Variants in TLR2 observed in about 807,000 individuals in gnomAD.
TLR2 encodes the protein toll-like receptor 2.
TLR2 carries 7 observed loss-of-function variants against 9.1 expected under a neutral mutation model. The observed-to-expected ratio is 0.77, with a 90% CI of 0.44 to 1.44. The LOEUF (loss-of-function observed/expected upper bound fraction) is 1.44. TLR2 is among the 40% of genes most tolerant of loss of function. The probability of loss-of-function intolerance (pLI) is 0.01; values close to 1 mark genes in which losing one functional copy is unlikely to be tolerated. For missense variants in TLR2, 812 were observed against 904.6 expected (o/e 0.90, Z 1.31); for synonymous variants, 317 against 344.6 (o/e 0.92, Z 0.89).
downstream of TLR2, chr4:153,710,187 T>C (rs933073947): frequency 8.0e-6 from 4 of 498,698 alleles, no homozygotes; most frequent in African/African-American, 5.8e-5. Context: ...AAACATGCTT[T>C]ATTTGTTTAT....
intron 2 of TLR2, among the ~76,000 whole-genome samples, chr4:153,689,953 C>A (rs1229990788): frequency 6.6e-6 from 1 of 152,216 alleles, no homozygotes; most frequent in Non-Finnish European, 1.5e-5. Flanking sequence ...ATGGCTGCAA[C>A]CAGAGGGTCC....
At chr4:153,702,710 T>C in intron 2 of TLR2, 182 bp from the exon 3 acceptor site, 3 of 604,054 alleles carry the variant, frequency 5.0e-6, no homozygotes, top group Non-Finnish European at 8.4e-6. Context: ...GGAATTCATT[T>C]TTTTATCCCC....
chr4:153,697,168 G>A (rs547564103), intron 2 of TLR2, among the ~76,000 whole-genome samples: 1 of 152,120 alleles, frequency 6.6e-6, no homozygotes, highest in Non-Finnish European at 1.5e-5. Flanking sequence ...ACTAAGATTT[G>A]AAGAAAATTC....
At position 153,704,913 on chromosome 4, in the gene TLR2, C is replaced by G. The variant is rs145936474; in HGVS notation, c.2006C>G (p.Pro669Arg). ...CAGGAGCTGGAGAACTTCAATCCCC[C>G]CTTCAAGTTGTGTCTTCATAAGCGG... is the stretch of plus-strand genomic sequence containing the variant. ...MVQELENFNP[P>R]FKLCLHKRDF... Residue 669 changes from proline to arginine, a missense_variant, in exon 3 of 3, where the codon CCC (proline) becomes CGC (arginine). Coordinates refer to ENST00000642700, the MANE Select transcript of TLR2 (RefSeq NM_001318789.2). 8.1e-6 allele frequency: 13 copies of G among 1,613,206 alleles called. No homozygotes were observed. The highest frequency in any genetic ancestry group is 1.3e-5 in the African/African-American group (1 of 74,870).
rs1737184052 is a variant in TLR2, at chr4:153,704,551, G to T, written c.1644G>T (p.Gln548His). 6.2e-7 allele frequency: 1 copy of T among 1,613,774 alleles called. No homozygotes were observed. The highest frequency in any genetic ancestry group is 1.1e-5 in the South Asian group (1 of 91,068). The change falls in exon 3 of 3, where the codon CAG becomes CAT. Residue 548 changes from glutamine (Q) to histidine (H), a missense_variant. Transcript: ENST00000642700. ...SCEFLSFTQE[Q>H]QALAKVLIDW... Reference sequence around the variant, plus strand: ...AATTCCTCTCCTTCACTCAGGAGCAGCAAGCACTGGCCAAAGTCTTGATTG... The same window carrying T: ...AATTCCTCTCCTTCACTCAGGAGCATCAAGCACTGGCCAAAGTCTTGATTG...
In TLR2 at chr4:153,704,769, T is replaced by C. The variant is rs1652583710; in HGVS notation, c.1862T>C (p.Met621Thr). ...CATGGCCTGTGGTATATGAAAATGA[T>C]GTGGGCCTGGCTCCAGGCCAAAAGG... ...RFHGLWYMKMMWAWLQAKRKP... is the reference protein window; with the variant it reads ...RFHGLWYMKMTWAWLQAKRKP... Residue 621 changes from methionine (M) to threonine (T), a missense_variant, in exon 3 of 3, where the codon ATG becomes ACG. Transcript: ENST00000642700. The C allele has an allele frequency of 1.2e-6, 2 of 1,613,848 alleles. No individual in the cohort carries two copies. The highest frequency in any genetic ancestry group is 1.3e-5 in the African/African-American group (1 of 74,864).
At chr4:153,693,892 G>C (rs935056093) in intron 2 of TLR2, among the ~76,000 whole-genome samples, 1 of 152,130 alleles carries the variant, frequency 6.6e-6, no homozygotes, top group Non-Finnish European at 1.5e-5. Flanking sequence ...TTCATCCTGG[G>C]TTTGAGTCCC....
intron 2 of TLR2, among the ~76,000 whole-genome samples, chr4:153,699,934 G>C (rs1736768931): frequency 6.6e-6 from 1 of 152,126 alleles, no homozygotes; most frequent in African/African-American, 2.4e-5. Flanking sequence ...ACCTGAAGCT[G>C]GGTAATTTAT....
rs1407547187 is a variant in TLR2, at chr4:153,706,012, T to C, written c.*750T>C. Among the ~76,000 whole-genome samples, 6 of 152,212 alleles carry C rather than the reference T, an allele frequency of 3.9e-5. No individual in the cohort carries two copies. The South Asian group carries it at 6.2e-4, about 16-fold the overall frequency. On this transcript the variant is annotated 3_prime_UTR_variant, in exon 3 of 3. Coordinates refer to ENST00000642700, the MANE Select transcript of TLR2 (RefSeq NM_001318789.2). The stretch of plus-strand genomic sequence containing the variant: ...TCTCAAGAGCAACAAGGCAAAGTAT[T>C]TGGGGCACTCCCCAAAACTTGTTGC...
intron 2 of TLR2, among the ~76,000 whole-genome samples, chr4:153,693,496 C>T (rs766001093): frequency 2.6e-5 from 4 of 152,146 alleles, no homozygotes; most frequent in South Asian, 2.1e-4. Context: ...AGTGGTCGCT[C>T]GAGGTGCTGC....
Position 153,703,455 on chromosome 4 carries a change from C to T in TLR2, c.548C>T (p.Ala183Val), listed in dbSNP as rs1458410253. ...TTCCTTGAGGAACTTGAGATTGATG[C>T]TTCAGATCTACAGAGCTATGAGCCA... Reference protein sequence around the residue: ...LTFLEELEIDASDLQSYEPKS... With the variant: ...LTFLEELEIDVSDLQSYEPKS... Residue 183 changes from alanine to valine, a missense_variant, in exon 3 of 3, where the codon GCT becomes GTT. Physicochemically the swap from Ala to Val is moderately conservative, Grantham distance 64 (BLOSUM62 0). Coordinates refer to ENST00000642700, the MANE Select transcript of TLR2 (RefSeq NM_001318789.2). 1 of 1,613,794 alleles carries T rather than the reference C, an allele frequency of 6.2e-7. No individual in the cohort carries two copies. Among genetic ancestry groups the T allele is most frequent in the Admixed American group, 1.7e-5 (1 of 59,956 alleles).
Position 153,705,277 on chromosome 4 carries a change from G to T in TLR2, c.*15G>T. ...TAAAGTCCTAGGTTCCCATATTTAA[G>T]ACCAGTCTTTGTCTAGTTGGGATCT... On this transcript the variant is annotated 3_prime_UTR_variant, in exon 3 of 3. Coordinates refer to ENST00000642700, the MANE Select transcript of TLR2 (RefSeq NM_001318789.2). 1 of 1,540,146 alleles carries T rather than the reference G, an allele frequency of 6.5e-7. No individual in the cohort carries two copies. The highest frequency in any genetic ancestry group is 2.3e-5 in the East Asian group (1 of 44,106).
intron 2 of TLR2, among the ~76,000 whole-genome samples, chr4:153,697,455 C>A (rs1036473269): frequency 6.6e-6 from 1 of 152,122 alleles, no homozygotes; most frequent in African/African-American, 2.4e-5. Flanking sequence ...GAAAGAGTTT[C>A]TACAATTATG....
Position 153,705,262 on chromosome 4 carries a change from G to T in TLR2, c.2355G>T (p.Ter785TyrextTer26). 1 of 1,558,214 alleles carries T rather than the reference G, an allele frequency of 6.4e-7. No individual in the cohort carries two copies. Among genetic ancestry groups the T allele is most frequent in the Non-Finnish European group, 8.7e-7 (1 of 1,152,650 alleles). The change falls in exon 3 of 3, where the codon TAG becomes TAT. Residue 785 changes from the stop codon to tyrosine (Y), a stop_lost. Transcript: ENST00000642700. ...ATCTGAGAGCTGCGATAAAGTCCTA[G>T]GTTCCCATATTTAAGACCAGTCTTT... is the stretch of plus-strand genomic sequence containing the variant. The part of the protein sequence containing the change: ...WVNLRAAIKS[*>Y]
downstream of TLR2, among the ~76,000 whole-genome samples, chr4:153,707,475 G>A (rs951350784): frequency 1.3e-5 from 2 of 150,186 alleles, no homozygotes; most frequent in Non-Finnish European, 3.0e-5. Flanking sequence ...ACCTGAGCCC[G>A]GGAGGTCCAG....
In TLR2 at chr4:153,704,262, C is replaced by G. The variant is rs2127067591; in HGVS notation, c.1355C>G (p.Thr452Arg). Residue 452 changes from threonine (T) to arginine (R), a missense_variant, in exon 3 of 3, where the codon ACA becomes AGA. Transcript: ENST00000642700. ...NLSSTRIHSV[T>R]GCIPKTLEIL... is the part of the protein sequence containing the mutation. ...TCCAGCACACGAATACACAGTGTAA[C>G]AGGCTGCATTCCCAAGACACTGGAA... 4 of 1,614,182 alleles carry G rather than the reference C, an allele frequency of 2.5e-6. No individual in the cohort carries two copies. Among genetic ancestry groups the G allele is most frequent in the Non-Finnish European group, 3.4e-6 (4 of 1,180,040 alleles).
intron 2 of TLR2, among the ~76,000 whole-genome samples, chr4:153,689,554 G>C (rs1051423584): frequency 6.6e-6 from 1 of 152,162 alleles, no homozygotes; most frequent in Non-Finnish European, 1.5e-5. Context: ...TTTCTGGCCA[G>C]GTCCAATTCT....
At chr4:153,688,699 G>A (rs1026028267) in intron 2 of TLR2, 6 of 159,476 alleles carry the variant, frequency 3.8e-5, no homozygotes, top group Admixed American at 2.4e-4. Context: ...TTAGGAACAC[G>A]TTAAGCGGTT....
At chr4:153,686,349 C>G (rs1251623841) in intron 1 of TLR2, among the ~76,000 whole-genome samples, 2 of 152,130 alleles carry the variant, frequency 1.3e-5, no homozygotes, top group Non-Finnish European at 2.9e-5. Context: ...TACTTTAAAG[C>G]CCAAAATGTC....
Sources: allele counts gnomAD v4.1 joint callset (sites outside exome capture counted in the v4.1 genomes callset), GRCh38; gene constraint gnomAD v4.1.1; transcripts MANE v1.5; gene names NCBI Gene and HGNC (gene_info 2026-07-23, HGNC 2026-07-21).